PRKN: variants seen among roughly 807,000 people sequenced by gnomAD.
The protein encoded by PRKN is E3 ubiquitin-protein ligase parkin.
Under a neutral mutation model 59.5 loss-of-function variants are expected in PRKN, and 56 were observed. The ratio of observed to expected loss-of-function variants is 0.94; its 90% CI spans 0.76 to 1.18. PRKN has a LOEUF of 1.18. Among genes scored for constraint, PRKN ranks in the 50% most tolerant of loss-of-function variants. The pLI, the probability that PRKN is intolerant of heterozygous loss-of-function variation, is 0.00. For missense variants in PRKN, 657 were observed against 596.4 expected (o/e 1.10, Z -1.06); for synonymous variants, 250 against 222.1 (o/e 1.13, Z -1.12).
chr6:162,384,656 A>C (rs903592206), intron 2 of PRKN, among the ~76,000 whole-genome samples: 2 of 143,964 alleles, frequency 1.4e-5, no homozygotes, highest in East Asian at 2.4e-4. Context: ...GTAAAAAAAA[A>C]AAAAAACAAA....
intron 2 of PRKN, among the ~76,000 whole-genome samples, chr6:162,296,614 T>C (rs774127179): frequency 1.1e-4 from 16 of 152,126 alleles, no homozygotes; most frequent in South Asian, 2.1e-4. Flanking sequence ...GCCAATCACA[T>C]TGAGGTAAAG....
intron 2 of PRKN, among the ~76,000 whole-genome samples, chr6:162,402,428 A>C (rs1472999243): frequency 2.0e-5 from 3 of 151,890 alleles, no homozygotes; most frequent in Non-Finnish European, 4.4e-5. Flanking sequence ...TCCCACTCAC[A>C]GTTGCCCCCC....
chr6:162,452,180 A>G (rs1790658095), intron 1 of PRKN, among the ~76,000 whole-genome samples: 2 of 152,228 alleles, frequency 1.3e-5, no homozygotes, highest in Non-Finnish European at 1.5e-5. Context: ...AGAATAAAAT[A>G]AAGATATTTT....
intron 8 of PRKN, among the ~76,000 whole-genome samples, chr6:161,559,873 T>G (rs1350671654): frequency 6.6e-6 from 1 of 152,200 alleles, no homozygotes; most frequent in South Asian, 2.1e-4. Context: ...TTCATATTTA[T>G]AACTATCTGA....
rs746673460 is a variant in PRKN, at chr6:161,548,819, G to A, written c.1083+35C>T. Reference sequence around the variant, plus strand: ...CATGTGCAAAAGCAAACAAGGACAGGAACACACCGCTCCAGGGGTGTGGGC... The same window carrying A: ...CATGTGCAAAAGCAAACAAGGACAGAAACACACCGCTCCAGGGGTGTGGGC... On this transcript the variant is annotated intron_variant, in intron 9 of 11. Transcript: ENST00000366898. This position sits in a 1 kb window ranked among gnomAD's most constrained non-coding sequence, Gnocchi z 4.2. The A allele has an allele frequency of 3.4e-5, 54 of 1,605,918 alleles. No homozygotes were observed. In the East Asian group the frequency reaches 7.8e-4, roughly 23 times the overall value.
chr6:162,317,403 A>G (rs1782798639), intron 2 of PRKN, among the ~76,000 whole-genome samples: 1 of 152,044 alleles, frequency 6.6e-6, no homozygotes, highest in South Asian at 2.1e-4. Flanking sequence ...GCCTTCTGCC[A>G]TAATTGTGAG....
intron 7 of PRKN, among the ~76,000 whole-genome samples, chr6:161,713,211 A>G (rs1303468227): frequency 6.6e-6 from 1 of 152,174 alleles, no homozygotes; most frequent in African/African-American, 2.4e-5. Context: ...GAAGAGATGA[A>G]TAGGGTGAGG....
At chr6:162,199,233 G>T (rs1784622648) in intron 4 of PRKN, among the ~76,000 whole-genome samples, 1 of 150,666 alleles carries the variant, frequency 6.6e-6, no homozygotes, top group Non-Finnish European at 1.5e-5. Flanking sequence ...AAAAAAAGCT[G>T]AAAAGCTAAA....
At chr6:162,673,253 G>A (rs1248537429) in intron 1 of PRKN, among the ~76,000 whole-genome samples, 3 of 151,724 alleles carry the variant, frequency 2.0e-5, no homozygotes, top group African/African-American at 7.3e-5. Flanking sequence ...TGTAGCTGGT[G>A]CCCAGAACAA....
chr6:161,484,978 C>T lies in PRKN; in HGVS notation c.1083+63876G>A, dbSNP rs951087963. On this transcript the variant is annotated intron_variant, in intron 9 of 11. Transcript: ENST00000366898. This position sits in a 1 kb window ranked among gnomAD's most constrained non-coding sequence, Gnocchi z 4.9. ...TGCTTCTTTGAGGCAAAAATCAGGTCGGACTAGCATCAGTGGCAAAGGAAC... is the reference window on the plus strand; with the variant it reads ...TGCTTCTTTGAGGCAAAAATCAGGTTGGACTAGCATCAGTGGCAAAGGAAC... Among the ~76,000 whole-genome samples the T allele has an allele frequency of 6.6e-6, 1 of 152,256 alleles. No individual in the cohort carries two copies. Among genetic ancestry groups the T allele is most frequent in the Admixed American group, 6.5e-5 (1 of 15,300 alleles).
At chr6:162,068,488 A>C (rs1778433074) in intron 4 of PRKN, among the ~76,000 whole-genome samples, 1 of 151,938 alleles carries the variant, frequency 6.6e-6, no homozygotes, top group African/African-American at 2.4e-5. Context: ...TTCCCTGGAG[A>C]CTCCATTACA....
chr6:162,484,438 T>C lies in PRKN; in HGVS notation c.8-40965A>G, dbSNP rs968304169. 2.0e-5 allele frequency among the ~76,000 whole-genome samples: 3 copies of C among 152,194 alleles called. No individual in the cohort carries two copies. In the South Asian group the frequency reaches 6.2e-4, roughly 32 times the overall value. ...GAGTTGATACTGTAACTAGATATAA[T>C]GGATCGGGGGAAGGGGACTCAGGCT... is the stretch of plus-strand genomic sequence containing the variant. On this transcript the variant is annotated intron_variant, in intron 1 of 11. Transcript: ENST00000366898.
At chr6:162,220,031 A>G (rs1376247374) in intron 3 of PRKN, among the ~76,000 whole-genome samples, 1 of 152,164 alleles carries the variant, frequency 6.6e-6, no homozygotes, top group Non-Finnish European at 1.5e-5. Context: ...AAGACTCCCT[A>G]TTCAATAAAT....
chr6:161,570,124 TAAAAAAAAAAAAA>T (rs55699586), intron 7 of PRKN, among the ~76,000 whole-genome samples: 1 of 51,420 alleles, frequency 1.9e-5, no homozygotes, highest in Non-Finnish European at 3.4e-5. Context: ...AGTAAATAGG[TAAAAAAAAAAAAA>T]AAAAAAAAAA....
At chr6:162,727,105 A>G (rs1328849430) in intron 1 of PRKN, 4 of 152,424 alleles carry the variant, frequency 2.6e-5, no homozygotes, top group African/African-American at 9.7e-5. Context: ...GAGAAGTTTA[A>G]AAGGAAACAT....
At chr6:162,621,104 TCC>T (rs10539279) in intron 1 of PRKN, among the ~76,000 whole-genome samples, 139,192 of 151,864 alleles carry the variant, frequency 0.92, 63,942 homozygotes, top group Admixed American at 0.97. Context: ...TCTCCACATA[TCC>T]AGCTTTGATC....
chr6:161,701,152 C>T (rs981853153), intron 7 of PRKN, among the ~76,000 whole-genome samples: 5 of 152,148 alleles, frequency 3.3e-5, no homozygotes, highest in African/African-American at 1.2e-4. Flanking sequence ...AATGTCACAA[C>T]AAACTCTTCT....
At chr6:162,016,654 C>G (rs1782945572) in intron 5 of PRKN, among the ~76,000 whole-genome samples, 1 of 152,146 alleles carries the variant, frequency 6.6e-6, no homozygotes, top group African/African-American at 2.4e-5. Flanking sequence ...CCCATCCCCA[C>G]TGGTCACTCA....
intron 6 of PRKN, among the ~76,000 whole-genome samples, chr6:161,956,943 C>G (rs1304366583): frequency 6.6e-6 from 1 of 152,130 alleles, no homozygotes; most frequent in Non-Finnish European, 1.5e-5. Flanking sequence ...ACCGGCATTC[C>G]TGGTCATTTT....
Sources: allele counts gnomAD v4.1 joint callset (sites outside exome capture counted in the v4.1 genomes callset), GRCh38; gene constraint gnomAD v4.1.1; non-coding constraint Gnocchi (gnomAD v3.1); transcripts MANE v1.5; gene names NCBI Gene and HGNC (gene_info 2026-07-23, HGNC 2026-07-21).